The following AKT2 variants were observed in gnomAD, a reference collection of about 807,000 sequenced individuals.
AKT2 encodes the protein AKT serine/threonine kinase 2.
In AKT2, 16 loss-of-function variants were observed where a neutral mutation model predicts 58.6. The ratio of observed to expected loss-of-function variants is 0.27; its 90% CI spans 0.18 to 0.41. The LOEUF (loss-of-function observed/expected upper bound fraction) is 0.41, where lower values mean the gene tolerates loss of function less well. Ranked by LOEUF, AKT2 falls within the 10% of genes least tolerant of loss-of-function variation. AKT2 has a pLI of 1.00. For synonymous variants in AKT2, 253 were observed against 254.0 expected, an observed-to-expected ratio of 1.00 and a Z score of 0.04; for missense variants, 438 against 661.0, an observed-to-expected ratio of 0.66 and a Z score of 3.70.
chr19:40,282,591 G>A (rs1387129276), intron 1 of AKT2: 1 of 524,968 alleles, frequency 1.9e-6, no homozygotes, highest in Non-Finnish European at 3.9e-6. Flanking sequence ...TATAGGTAGA[G>A]GACAGAGGAC....
intron 2 of AKT2, among the ~76,000 whole-genome samples, chr19:40,264,961 C>T (rs1198869700): frequency 6.6e-6 from 1 of 152,198 alleles, no homozygotes; most frequent in Non-Finnish European, 1.5e-5. Context: ...ACGTGACTTC[C>T]CCTCTCTGGG....
rs374649599 is a variant in AKT2 at position 40,242,103 on chromosome 19, G to A, written c.442-34C>T. ...GACAGGGAGAGTGGGGGCAGTCAGC[G>A]CCTGGCTCATGGCCCGTGGGAGGAA... On this transcript the variant is annotated intron_variant, in intron 5 of 13. Coordinates refer to ENST00000392038, the MANE Select transcript of AKT2 (RefSeq NM_001626.6). The surrounding 1 kb of genome is among the most constrained non-coding windows in gnomAD (Gnocchi z 4.3). 53 of 1,613,716 alleles carry A rather than the reference G, an allele frequency of 3.3e-5. No individual in the cohort carries two copies. The highest frequency in any genetic ancestry group is 2.7e-4 in the African/African-American group (20 of 74,928).
rs1405877489 is a variant in AKT2, at chr19:40,242,537, T to C, written c.438A>G (p.Lys146=). ...CACCCCTGCTCCCAGCACTTACCACTTTAGCCCGTGCCTTGCTGACCGCCA... is the reference window on the plus strand; with the variant it reads ...CACCCCTGCTCCCAGCACTTACCACCTTAGCCCGTGCCTTGCTGACCGCCA... ...MEVAVSKARA[K]VTMNDFDYLK... Residue 146 remains lysine, a synonymous_variant, in exon 5 of 14, where the codon AAA becomes AAG. Coordinates refer to ENST00000392038, the MANE Select transcript of AKT2 (RefSeq NM_001626.6). This position sits in a 1 kb window ranked among gnomAD's most constrained non-coding sequence, Gnocchi z 4.3. 1.9e-6 allele frequency: 3 copies of C among 1,613,618 alleles called. No homozygotes were observed. The Admixed American group carries it at 5.0e-5, about 27-fold the overall frequency.
Position 40,251,116 on chromosome 19 carries a change from A to T in AKT2, c.287+4042T>A, listed in dbSNP as rs557010686. Among the ~76,000 whole-genome samples the T allele has an allele frequency of 1.2e-4, 18 of 152,052 alleles. No homozygotes were observed. In the East Asian group the frequency reaches 3.3e-3, roughly 28 times the overall value. On this transcript the variant is annotated intron_variant, in intron 4 of 13. Coordinates refer to ENST00000392038, the MANE Select transcript of AKT2 (RefSeq NM_001626.6). The stretch of plus-strand genomic sequence containing the variant: ...CTACTCAGGATCCTGAGGCGTAAGG[A>T]TGGATTAAGCTCAGGAGTTTGAGAC...
At chr19:40,282,128 G>A (rs1173559789) in intron 1 of AKT2, 7 of 200,610 alleles carry the variant, frequency 3.5e-5, no homozygotes, top group South Asian at 2.0e-4. Context: ...GCTGGATCCC[G>A]GAATGCTCGA....
chr19:40,264,170 A>G (rs1243909932), intron 2 of AKT2, among the ~76,000 whole-genome samples: 2 of 152,126 alleles, frequency 1.3e-5, no homozygotes, highest in African/African-American at 2.4e-5. Flanking sequence ...AATGAATGCA[A>G]GTGCACACAG....
intron 4 of AKT2, chr19:40,243,699 G>A (rs145107003): frequency 6.6e-6 from 1 of 152,002 alleles, no homozygotes; most frequent in African/African-American, 2.4e-5. Context: ...GACCAGCCTA[G>A]GTAACAAAGC....
chr19:40,270,307 C>G (rs1396728810), intron 1 of AKT2, among the ~76,000 whole-genome samples: 1 of 152,232 alleles, frequency 6.6e-6, no homozygotes, highest in African/African-American at 2.4e-5. Flanking sequence ...GGACTCTTGG[C>G]TGCCTTAGCC....
rs1974487513 is a variant in AKT2 at position 40,242,648 on chromosome 19, G to A, written c.327C>T (p.Ser109=). The A allele has an allele frequency of 6.2e-7, 1 of 1,612,914 alleles. No individual in the cohort carries two copies. Among genetic ancestry groups the A allele is most frequent in the Non-Finnish European group, 8.5e-7 (1 of 1,180,018 alleles). Residue 109 remains serine (S), a synonymous_variant, in exon 5 of 14, where the codon AGC becomes AGT. Transcript: ENST00000392038. The surrounding 1 kb of genome is among the most constrained non-coding windows in gnomAD (Gnocchi z 4.3). ...WMRAIQMVAN[S]LKQRAPGEDP... is the part of the protein sequence containing the mutation. ...CCTCGCCTGGGGCCCGCTGCTTGAG[G>A]CTGTTGGCGACCATCTGGATGGCCC... is the stretch of plus-strand genomic sequence containing the variant.
intron 1 of AKT2, chr19:40,275,581 G>C: frequency 6.0e-6 from 2 of 333,418 alleles, no homozygotes; most frequent in East Asian, 7.6e-5. Context: ...AACCAGAGCA[G>C]AACTAGCCCA....
At chr19:40,278,250 C>T (rs1238675310) in intron 1 of AKT2, among the ~76,000 whole-genome samples, 1 of 152,218 alleles carries the variant, frequency 6.6e-6, no homozygotes, top group African/African-American at 2.4e-5. Context: ...AACCATCATG[C>T]CTATTACTGA....
chr19:40,272,072 G>A (rs959548587), intron 1 of AKT2, among the ~76,000 whole-genome samples: 4 of 152,126 alleles, frequency 2.6e-5, no homozygotes, highest in Admixed American at 1.3e-4. Flanking sequence ...TGAGTGCTTC[G>A]CACATACCAA....
At chr19:40,282,436 A>G (rs903530710) in intron 1 of AKT2, 18 of 468,954 alleles carry the variant, frequency 3.8e-5, no homozygotes, top group Non-Finnish European at 6.9e-5. Flanking sequence ...TTCTTCTCCC[A>G]GCACACACCT....
chr19:40,235,797 A>G lies in AKT2; in HGVS notation c.1175+93T>C, dbSNP rs1973984552. On this transcript the variant is annotated intron_variant, in intron 11 of 13. Transcript: ENST00000392038. This position sits in a 1 kb window ranked among gnomAD's most constrained non-coding sequence, Gnocchi z 6.3. ...GGGGACGACACACTGCGACCCTACA[A>G]GCGAGCACCCTTGTGGACGCTGCCC... The G allele has an allele frequency of 3.8e-6, 5 of 1,327,550 alleles. No individual in the cohort carries two copies. Among genetic ancestry groups the G allele is most frequent in the Non-Finnish European group, 5.1e-6 (5 of 976,582 alleles). 82.2% of individuals were successfully genotyped at this position (1,327,550 alleles called of 1,614,324 possible).
intron 4 of AKT2, among the ~76,000 whole-genome samples, chr19:40,252,286 C>T (rs1047500571): frequency 1.3e-5 from 2 of 152,184 alleles, no homozygotes; most frequent in Non-Finnish European, 2.9e-5. Flanking sequence ...TAGTTAAGGT[C>T]AGAAATCTGG....
chr19:40,268,098 C>G (rs937132509), intron 1 of AKT2, among the ~76,000 whole-genome samples: 1 of 152,078 alleles, frequency 6.6e-6, no homozygotes, highest in African/African-American at 2.4e-5. Context: ...GAGAGAAGCC[C>G]GTCCCCTACA....
Position 40,265,374 on chromosome 19 carries a change from G to C in AKT2, c.-84-23C>G, listed in dbSNP as rs1382261743. The C allele has an allele frequency of 1.9e-6, 3 of 1,546,730 alleles. No individual in the cohort carries two copies. The African/African-American group carries it at 4.1e-5, about 21-fold the overall frequency. ...AGTCTGCAAGACAAGAGAGGAGCTGGTCAGGGCGGGAGGGGATTCCACACC... is the reference window on the plus strand; with the variant it reads ...AGTCTGCAAGACAAGAGAGGAGCTGCTCAGGGCGGGAGGGGATTCCACACC... On this transcript the variant is annotated intron_variant, in intron 1 of 13. Coordinates refer to ENST00000392038, the MANE Select transcript of AKT2 (RefSeq NM_001626.6).
intron 1 of AKT2, among the ~76,000 whole-genome samples, chr19:40,283,501 C>T (rs1370442834): frequency 6.6e-6 from 1 of 152,242 alleles, no homozygotes; most frequent in Non-Finnish European, 1.5e-5. Context: ...TTGGAAGTCA[C>T]TGCTGCGGAC....
intron 1 of AKT2, among the ~76,000 whole-genome samples, chr19:40,278,850 G>A (rs2077373203): frequency 6.6e-6 from 1 of 152,000 alleles, no homozygotes; most frequent in African/African-American, 2.4e-5. Context: ...TGCACCTTAG[G>A]GAGAAGAAAT....
Sources: allele counts gnomAD v4.1 joint callset (sites outside exome capture counted in the v4.1 genomes callset), GRCh38; gene constraint gnomAD v4.1.1; non-coding constraint Gnocchi (gnomAD v3.1); transcripts MANE v1.5; gene names NCBI Gene and HGNC (gene_info 2026-07-23, HGNC 2026-07-21).